VPS37A: variants seen among roughly 807,000 people sequenced by gnomAD.
VPS37A encodes vacuolar protein sorting-associated protein 37A.
Under a neutral mutation model 49.8 loss-of-function variants are expected in VPS37A, and 30 were observed. The observed-to-expected ratio is 0.60, with a 90% CI of 0.45 to 0.82. The LOEUF is 0.82. Ranked by LOEUF, VPS37A falls within the 40% of genes least tolerant of loss-of-function variation. VPS37A has a pLI of 0.00. For synonymous variants in VPS37A, 195 were observed against 160.6 expected (o/e 1.21, Z -1.62); for missense variants, 593 against 464.4 (o/e 1.28, Z -2.55).
At chr8:17,315,271 A>G in the VPS37A span, among the ~76,000 whole-genome samples, 2 of 152,198 alleles carry the variant, frequency 1.3e-5, no homozygotes, top group African/African-American at 2.4e-5. Context: ...GATGTCAACT[A>G]TATGACCTCC....
chr8:17,284,400 C>G, intron 9 of VPS37A, 73 bp from the exon 10 acceptor site: 1 of 1,493,316 alleles, frequency 6.7e-7, no homozygotes, highest in Non-Finnish European at 8.9e-7. Context: ...CATACCACTA[C>G]CTTACTTCCT....
At chr8:17,282,217 T>C (rs1479412076) in intron 9 of VPS37A, among the ~76,000 whole-genome samples, 1 of 152,100 alleles carries the variant, frequency 6.6e-6, no homozygotes, top group Non-Finnish European at 1.5e-5. Flanking sequence ...GAACAGACTA[T>C]GTAGTTCAAA....
intron 1 of VPS37A, among the ~76,000 whole-genome samples, chr8:17,253,275 A>G (rs536340018): frequency 1.2e-4 from 18 of 152,250 alleles, no homozygotes; most frequent in African/African-American, 3.8e-4. Context: ...TCAGTCTTCC[A>G]TGTCTACTAC....
At chr8:17,304,255 TG>T, downstream of VPS37A, 1 of 1,047,306 alleles carries the variant, frequency 9.5e-7, no homozygotes, top group Non-Finnish European at 1.3e-6. Context: ...CATCTCCCTC[TG>T]GTGTCTTTTG....
chr8:17,250,641 T>TA (rs765200939), intron 1 of VPS37A, among the ~76,000 whole-genome samples: 1 of 152,200 alleles, frequency 6.6e-6, no homozygotes, highest in Non-Finnish European at 1.5e-5. Flanking sequence ...TTCCAACTCT[T>TA]ACAATTTTTA....
At chr8:17,330,887 A>G in the VPS37A span, among the ~76,000 whole-genome samples, 16 of 152,316 alleles carry the variant, frequency 1.1e-4, 1 homozygote, top group African/African-American at 3.8e-4. Context: ...AGAAACAAAA[A>G]CATCCCTGTG....
chr8:17,300,041 C>T (rs753709798), downstream of VPS37A: 9 of 1,614,022 alleles, frequency 5.6e-6, no homozygotes, highest in Middle Eastern at 1.6e-4. Flanking sequence ...AGAATCAGAG[C>T]AGAATCTTCA....
downstream of VPS37A, chr8:17,299,254 A>G (rs1341233344): frequency 6.6e-6 from 1 of 152,266 alleles, no homozygotes; most frequent in African/African-American, 2.4e-5. Context: ...TCTCAGAGAA[A>G]AGCAACAAAA....
intron 4 of VPS37A, among the ~76,000 whole-genome samples, chr8:17,271,571 A>C (rs1813995403): frequency 6.6e-6 from 1 of 152,168 alleles, no homozygotes. Flanking sequence ...ACGCCACTGC[A>C]TTCCAGCCTG....
At chr8:17,247,630 T>G (rs763236308) in intron 1 of VPS37A, 60 of 704,748 alleles carry the variant, frequency 8.5e-5, no homozygotes, top group South Asian at 8.4e-4. Flanking sequence ...AGCTGCTGAC[T>G]GTAATCTCTC....
intron 6 of VPS37A, among the ~76,000 whole-genome samples, chr8:17,278,967 T>C (rs1814777827): frequency 6.6e-6 from 1 of 152,136 alleles, no homozygotes; most frequent in African/African-American, 2.4e-5. Flanking sequence ...CCATATCTGC[T>C]CCACCTAGTT....
chr8:17,320,872 C>T, the VPS37A span, among the ~76,000 whole-genome samples: 5 of 152,232 alleles, frequency 3.3e-5, no homozygotes, highest in African/African-American at 1.2e-4. Flanking sequence ...TTTGGGCTTT[C>T]TGTCCAACCC....
At chr8:17,280,512 C>T in intron 9 of VPS37A, 69 bp downstream of exon 9, 1 of 1,384,120 alleles carries the variant, frequency 7.2e-7, no homozygotes, top group South Asian at 1.4e-5. Context: ...GAGTCCTGAT[C>T]TCACTTTCAT....
downstream of VPS37A, among the ~76,000 whole-genome samples, chr8:17,306,155 A>G (rs1817442274): frequency 1.3e-5 from 2 of 152,208 alleles, no homozygotes; most frequent in Non-Finnish European, 2.9e-5. Flanking sequence ...CGGTCTGGAT[A>G]GAAGGGATGC....
At chr8:17,253,368 A>C (rs144870634) in intron 1 of VPS37A, among the ~76,000 whole-genome samples, 100 of 152,306 alleles carry the variant, frequency 6.6e-4, no homozygotes, top group Non-Finnish European at 1.0e-3. Context: ...TAATCTTTCT[A>C]AAATTCAAAT....
chr8:17,290,190 T>G (rs761605921), intron 11 of VPS37A, among the ~76,000 whole-genome samples: 1 of 152,190 alleles, frequency 6.6e-6, no homozygotes, highest in Non-Finnish European at 1.5e-5. Flanking sequence ...ATACCTTTAT[T>G]TCTTTTTCTT....
chr8:17,331,989 G>A, the VPS37A span, among the ~76,000 whole-genome samples: 1 of 152,208 alleles, frequency 6.6e-6, no homozygotes, highest in Non-Finnish European at 1.5e-5. Context: ...ATCTGAAGAA[G>A]TTTATTAAAT....
chr8:17,311,905 G>A, the VPS37A span: 174 of 375,942 alleles, frequency 4.6e-4, 2 homozygotes, highest in East Asian at 8.0e-3. Context: ...ATAAGCATTC[G>A]TCCTATGCAA....
At chr8:17,304,468 G>T (rs187644767), downstream of VPS37A, 3 of 1,613,922 alleles carry the variant, frequency 1.9e-6, 1 homozygote, top group Non-Finnish European at 2.5e-6. Context: ...TCAGGTAGTC[G>T]GCCCGATTCT....
Sources: allele counts gnomAD v4.1 joint callset (sites outside exome capture counted in the v4.1 genomes callset), GRCh38; gene constraint gnomAD v4.1.1; transcripts MANE v1.5; gene names NCBI Gene and HGNC (gene_info 2026-07-23, HGNC 2026-07-21).